Variants in SNX31 observed in about 807,000 individuals in gnomAD.
The protein encoded by SNX31 is sorting nexin-31.
In SNX31, 58 loss-of-function variants were observed where a neutral mutation model predicts 65.4. That is an observed-to-expected ratio of 0.89 (90% CI 0.72 to 1.10). The LOEUF (loss-of-function observed/expected upper bound fraction) is 1.10, where lower values mean the gene tolerates loss of function less well. Among genes scored for constraint, SNX31 ranks in the 50% least tolerant of loss-of-function variants. SNX31 has a pLI of 0.00. For missense variants in SNX31, 523 were observed against 529.7 expected (o/e 0.99, Z 0.12); for synonymous variants, 181 against 190.1 (o/e 0.95, Z 0.39).
At chr8:100,621,422 C>T (rs1350331508) in intron 4 of SNX31, among the ~76,000 whole-genome samples, 3 of 152,326 alleles carry the variant, frequency 2.0e-5, no homozygotes, top group Non-Finnish European at 4.4e-5. Flanking sequence ...ATTTGACTTA[C>T]TGGCAACAGG....
At chr8:100,615,528 T>G (rs927334195) in intron 5 of SNX31, among the ~76,000 whole-genome samples, 3 of 152,204 alleles carry the variant, frequency 2.0e-5, no homozygotes, top group Admixed American at 2.0e-4. Context: ...CAGGAATACA[T>G]TCTGAGAAAT....
chr8:100,621,072 A>G (rs1017220137), intron 4 of SNX31, among the ~76,000 whole-genome samples: 1 of 152,176 alleles, frequency 6.6e-6, no homozygotes, highest in Non-Finnish European at 1.5e-5. Context: ...TGAACCCGGG[A>G]GGTGGAGGTT....
At chr8:100,634,902 T>A (rs965327151) in intron 3 of SNX31, among the ~76,000 whole-genome samples, 7 of 134,596 alleles carry the variant, frequency 5.2e-5, no homozygotes, top group South Asian at 2.4e-4. Context: ...TAAAAAAAAT[T>A]TTTTTTTTTA....
chr8:100,643,557 C>G (rs1275882289), intron 2 of SNX31, among the ~76,000 whole-genome samples: 1 of 152,198 alleles, frequency 6.6e-6, no homozygotes, highest in African/African-American at 2.4e-5. Context: ...TGCATATTAT[C>G]CCATTTGTTC....
Position 100,629,140 on chromosome 8 carries a change from T to C in SNX31, c.321+1187A>G, listed in dbSNP as rs1002999875. 6.6e-6 allele frequency among the ~76,000 whole-genome samples: 1 copy of C among 152,190 alleles called. No homozygotes were observed. The highest frequency in any genetic ancestry group is 1.5e-5 in the Non-Finnish European group (1 of 68,036). On this transcript the variant is annotated intron_variant, in intron 4 of 13. Transcript: ENST00000311812. The surrounding 1 kb of genome is among the most constrained non-coding windows in gnomAD (Gnocchi z 5.1). Reference sequence around the variant, plus strand: ...CATTTTTAAGTGACACATGATTGTGTGTGTGCATGTATGTGTATATATATG... The same window carrying C: ...CATTTTTAAGTGACACATGATTGTGCGTGTGCATGTATGTGTATATATATG...
Position 100,576,654 on chromosome 8 carries a change from G to T in SNX31, c.1227+365C>A, listed in dbSNP as rs1370971997. ...CAAAAAGTATTTTGTAAACTTAAAA[G>T]TTGCTTTATACAGAGTATACTGCAG... On this transcript the variant is annotated intron_variant, in intron 13 of 13. Coordinates refer to ENST00000311812, the MANE Select transcript of SNX31 (RefSeq NM_152628.4). This position sits in a 1 kb window ranked among gnomAD's most constrained non-coding sequence, Gnocchi z 4.8. Among the ~76,000 whole-genome samples, 1 of 152,050 alleles carries T rather than the reference G, an allele frequency of 6.6e-6. No homozygotes were observed. The highest frequency in any genetic ancestry group is 1.5e-5 in the Non-Finnish European group (1 of 68,008).
At chr8:100,591,468 A>G (rs2507782) in intron 10 of SNX31, among the ~76,000 whole-genome samples, 74,870 of 140,688 alleles carry the variant, frequency 0.53, 23,399 homozygotes, top group African/African-American at 0.88. Context: ...CAGCCTGGGC[A>G]ACAGAGTGAG....
chr8:100,634,383 A>T (rs1417265255), intron 3 of SNX31, among the ~76,000 whole-genome samples: 1 of 146,042 alleles, frequency 6.8e-6, no homozygotes, highest in African/African-American at 2.7e-5. Flanking sequence ...CCTTTTGTTC[A>T]TTCCTAATCC....
chr8:100,632,402 T>C (rs1818472976), intron 3 of SNX31, among the ~76,000 whole-genome samples: 2 of 151,948 alleles, frequency 1.3e-5, no homozygotes, highest in Admixed American at 6.6e-5. Context: ...TATGGTCCCA[T>C]GACAAAAAAA....
At chr8:100,586,038 A>G (rs534482266) in intron 11 of SNX31, among the ~76,000 whole-genome samples, 1 of 152,162 alleles carries the variant, frequency 6.6e-6, no homozygotes, top group East Asian at 1.9e-4. Flanking sequence ...CTCCTGCCTT[A>G]GCCTCCCGAG....
chr8:100,615,845 C>G (rs890155868), intron 5 of SNX31, among the ~76,000 whole-genome samples: 12 of 152,338 alleles, frequency 7.9e-5, no homozygotes, highest in African/African-American at 2.6e-4. Flanking sequence ...TCTCGGCTCA[C>G]TGCAAGCTCC....
intron 1 of SNX31, among the ~76,000 whole-genome samples, chr8:100,656,742 T>C (rs1820059433): frequency 6.6e-6 from 1 of 151,634 alleles, no homozygotes; most frequent in African/African-American, 2.4e-5. Flanking sequence ...AGATAACCAT[T>C]TAGGCTTTAA....
At chr8:100,657,328 T>C (rs943410130) in intron 1 of SNX31, among the ~76,000 whole-genome samples, 1 of 151,858 alleles carries the variant, frequency 6.6e-6, no homozygotes, top group Non-Finnish European at 1.5e-5. Flanking sequence ...GGTGCATGCC[T>C]GTAATCCCAG....
chr8:100,606,875 A>G (rs1479937540), intron 8 of SNX31, among the ~76,000 whole-genome samples: 3 of 152,224 alleles, frequency 2.0e-5, no homozygotes, highest in Admixed American at 6.5e-5. Context: ...TGAAGCTCCA[A>G]TGACATAACG....
intron 3 of SNX31, among the ~76,000 whole-genome samples, chr8:100,631,183 A>T (rs558821031): frequency 2.6e-5 from 4 of 152,274 alleles, no homozygotes; most frequent in South Asian, 2.1e-4. Flanking sequence ...TCATTCTTCT[A>T]TAATTAACAA....
chr8:100,637,990 C>G (rs1376647406), intron 2 of SNX31, among the ~76,000 whole-genome samples: 1 of 152,162 alleles, frequency 6.6e-6, no homozygotes, highest in Non-Finnish European at 1.5e-5. Flanking sequence ...GCCACTGCAC[C>G]CAGCCTAAAG....
In SNX31 at chr8:100,649,256, C is replaced by G. The variant is rs1587103363; in HGVS notation, c.141+18G>C. Reference sequence around the variant, plus strand: ...CTGTCTCAGTGGATGGGCTCGTACCCGCCTCCAATCTGCTCACCTGTTCGT... The same window carrying G: ...CTGTCTCAGTGGATGGGCTCGTACCGGCCTCCAATCTGCTCACCTGTTCGT... On this transcript the variant is annotated intron_variant, in intron 2 of 13. Transcript: ENST00000311812. The G allele has an allele frequency of 6.2e-7, 1 of 1,612,906 alleles. No individual in the cohort carries two copies. Among genetic ancestry groups the G allele is most frequent in the East Asian group, 2.2e-5 (1 of 44,810 alleles).
rs1028504297 is a variant in SNX31 at position 100,604,929 on chromosome 8, C to T, written c.681+3565G>A. 1.3e-5 allele frequency among the ~76,000 whole-genome samples: 2 copies of T among 151,504 alleles called. No individual in the cohort carries two copies. Among genetic ancestry groups the T allele is most frequent in the African/African-American group, 2.4e-5 (1 of 41,200 alleles). The stretch of plus-strand genomic sequence containing the variant: ...TTTTTCTTTTTTTTTGACAGAGTCT[C>T]GTGCTGTCACCCAAGCAGGAGTACA... On this transcript the variant is annotated intron_variant, in intron 8 of 13. Transcript: ENST00000311812. The surrounding 1 kb of genome is among the most constrained non-coding windows in gnomAD (Gnocchi z 4.3).
chr8:100,585,348 G>C (rs943314871), intron 11 of SNX31, among the ~76,000 whole-genome samples: 10 of 152,130 alleles, frequency 6.6e-5, no homozygotes, highest in Non-Finnish European at 4.4e-5. Context: ...AGAACTTAGC[G>C]CAGGGCTGTG....
Sources: gnomAD v4.1 joint callset for allele counts (sites outside exome capture counted in the v4.1 genomes callset) on GRCh38, gnomAD v4.1.1 for gene constraint, Gnocchi (gnomAD v3.1) non-coding constraint, MANE v1.5 for transcripts, NCBI Gene and HGNC (gene_info 2026-07-23, HGNC 2026-07-21) for gene names.